The following PTPRK variants were observed in gnomAD, a reference collection of about 807,000 sequenced individuals.
The protein encoded by PTPRK is protein tyrosine phosphatase receptor type K, also known as receptor-type tyrosine-protein phosphatase kappa.
Under a neutral mutation model 178.0 loss-of-function variants are expected in PTPRK, and 75 were observed. That is an observed-to-expected ratio of 0.42 (90% CI 0.35 to 0.51). The LOEUF is 0.51. Ranked by LOEUF, PTPRK falls within the 20% of genes least tolerant of loss-of-function variation. The pLI is 0.02. For synonymous variants in PTPRK, 637 were observed against 620.6 expected, an observed-to-expected ratio of 1.03 and a Z score of -0.39; for missense variants, 1,441 against 1,797.8, an observed-to-expected ratio of 0.80 and a Z score of 3.59.
At chr6:128,491,975 ATCT>A in intron 1 of PTPRK, 1 of 388,000 alleles carries the variant, frequency 2.6e-6, no homozygotes, top group Non-Finnish European at 5.2e-6. Context: ...ATTTAACATA[ATCT>A]TCTAATTGTG....
intron 5 of PTPRK, among the ~76,000 whole-genome samples, chr6:128,225,166 T>G (rs1046067987): frequency 6.6e-6 from 1 of 152,232 alleles, no homozygotes; most frequent in Non-Finnish European, 1.5e-5. Flanking sequence ...ATTTCAAGGC[T>G]ATTGACTTGA....
intron 1 of PTPRK, among the ~76,000 whole-genome samples, chr6:128,510,095 C>T (rs17364020): frequency 0.15 from 23,318 of 152,098 alleles, 1,967 homozygotes; most frequent in Non-Finnish European, 0.18. Context: ...CAAAAGTGTA[C>T]GAAAACAAGC....
intron 2 of PTPRK, among the ~76,000 whole-genome samples, chr6:128,350,500 A>G (rs896260868): frequency 6.6e-6 from 1 of 152,186 alleles, no homozygotes; most frequent in African/African-American, 2.4e-5. Flanking sequence ...TCCAACGACC[A>G]CTGATAGAAT....
intron 6 of PTPRK, among the ~76,000 whole-genome samples, chr6:128,204,035 C>T (rs564037689): frequency 6.6e-6 from 1 of 152,244 alleles, no homozygotes; most frequent in South Asian, 2.1e-4. Context: ...CAGTATAAGG[C>T]TACAGTAACC....
intron 18 of PTPRK, 82 bp from the exon 19 acceptor site, chr6:127,992,791 C>A (rs1181740729): frequency 3.6e-6 from 4 of 1,119,248 alleles, no homozygotes; most frequent in African/African-American, 3.2e-5. Context: ...ATGAAGACAA[C>A]CACCTGTTAA....
chr6:128,456,782 A>G (rs1286452029), intron 1 of PTPRK, among the ~76,000 whole-genome samples: 4 of 152,170 alleles, frequency 2.6e-5, no homozygotes, highest in African/African-American at 7.2e-5. Context: ...TGCAACCATC[A>G]CAGAGAAAGA....
intron 3 of PTPRK, among the ~76,000 whole-genome samples, chr6:128,289,090 A>G (rs1004514687): frequency 6.6e-6 from 1 of 152,074 alleles, no homozygotes; most frequent in African/African-American, 2.4e-5. Context: ...ACCCATCTAA[A>G]ATATATATTA....
intron 1 of PTPRK, among the ~76,000 whole-genome samples, chr6:128,450,863 T>C (rs1461592201): frequency 2.0e-5 from 3 of 152,180 alleles, no homozygotes; most frequent in Admixed American, 6.5e-5. Context: ...CATATCAAAA[T>C]AAGATGGGTT....
intron 3 of PTPRK, among the ~76,000 whole-genome samples, chr6:128,281,744 C>T (rs1266014344): frequency 1.3e-5 from 2 of 152,090 alleles, no homozygotes; most frequent in Non-Finnish European, 2.9e-5. Context: ...CAATTCCAAA[C>T]CCACTCTACA....
At chr6:128,417,235 G>A (rs947108291) in intron 1 of PTPRK, among the ~76,000 whole-genome samples, 3 of 151,758 alleles carry the variant, frequency 2.0e-5, no homozygotes, top group Non-Finnish European at 2.9e-5. Context: ...AAAGATACAC[G>A]GTATGTGTGA....
At chr6:128,264,247 A>C (rs370736524) in intron 3 of PTPRK, among the ~76,000 whole-genome samples, 1 of 152,302 alleles carries the variant, frequency 6.6e-6, no homozygotes. Context: ...ACTGCTAACA[A>C]GGAAATTAAA....
Position 128,213,281 on chromosome 6 carries a change from G to C in PTPRK, c.868+5641C>G, listed in dbSNP as rs17055444. 3.8e-3 allele frequency among the ~76,000 whole-genome samples: 576 copies of C among 152,058 alleles called. 2 individuals are homozygous for C. Among genetic ancestry groups the C allele is most frequent in the African/African-American group, 0.013 (547 of 41,524 alleles). ...AATTACAAGTAGATAATATGAATGA[G>C]AGGAGACTCCAAATGTTTCTTTTAT... On this transcript the variant is annotated intron_variant, in intron 6 of 29. Coordinates refer to ENST00000368226, the MANE Select transcript of PTPRK (RefSeq NM_002844.4).
rs368577306 is a variant in PTPRK at position 128,440,673 on chromosome 6, T to C, written c.101-42985A>G. Among the ~76,000 whole-genome samples the C allele has an allele frequency of 3.3e-5, 5 of 152,208 alleles. No homozygotes were observed. In the East Asian group the frequency reaches 5.8e-4, roughly 18 times the overall value. The stretch of plus-strand genomic sequence containing the variant: ...CTCCTTAATAGAAGGTAGTACACTA[T>C]ATGTGCTGTCAGACACCTTTATTTT... On this transcript the variant is annotated intron_variant, in intron 1 of 29. Coordinates refer to ENST00000368226, the MANE Select transcript of PTPRK (RefSeq NM_002844.4).
chr6:128,195,068 T>C (rs1245186119), intron 6 of PTPRK, among the ~76,000 whole-genome samples: 6 of 152,234 alleles, frequency 3.9e-5, no homozygotes, highest in Admixed American at 1.3e-4. Context: ...GATATGTATA[T>C]ATAGTTTAAA....
chr6:128,319,545 A>G (rs887687856), intron 3 of PTPRK, among the ~76,000 whole-genome samples: 11 of 152,166 alleles, frequency 7.2e-5, no homozygotes, highest in Non-Finnish European at 1.6e-4. Flanking sequence ...GAAAATGGGG[A>G]TATTCTTTAA....
chr6:128,473,245 A>G (rs1391410270), intron 1 of PTPRK, among the ~76,000 whole-genome samples: 1 of 151,938 alleles, frequency 6.6e-6, no homozygotes, highest in Non-Finnish European at 1.5e-5. Flanking sequence ...TTTGTCTGAT[A>G]TTTCCTCATG....
intron 6 of PTPRK, among the ~76,000 whole-genome samples, chr6:128,214,317 G>A (rs1417799502): frequency 6.6e-6 from 1 of 151,986 alleles, no homozygotes; most frequent in Non-Finnish European, 1.5e-5. Context: ...GATTCATACT[G>A]TTACTTGACT....
chr6:128,338,003 A>T (rs1211882252), intron 2 of PTPRK, among the ~76,000 whole-genome samples: 2 of 152,194 alleles, frequency 1.3e-5, no homozygotes, highest in Non-Finnish European at 2.9e-5. Flanking sequence ...GAGATCAAAG[A>T]AGTAAACAGA....
At chr6:128,195,988 G>A (rs1804791833) in intron 6 of PTPRK, among the ~76,000 whole-genome samples, 1 of 152,084 alleles carries the variant, frequency 6.6e-6, no homozygotes, top group Non-Finnish European at 1.5e-5. Flanking sequence ...CTTTTAAGGA[G>A]AAATGAGTTC....
Sources: gnomAD v4.1 joint callset for allele counts (sites outside exome capture counted in the v4.1 genomes callset) on GRCh38, gnomAD v4.1.1 for gene constraint, MANE v1.5 for transcripts, NCBI Gene and HGNC (gene_info 2026-07-23, HGNC 2026-07-21) for gene names.